KPNA3: variants seen among roughly 807,000 people sequenced by gnomAD.
KPNA3 encodes karyopherin subunit alpha 3.
A neutral mutation model predicts 73.8 loss-of-function variants in KPNA3; 13 were observed. The ratio of observed to expected loss-of-function variants is 0.18; its 90% CI spans 0.11 to 0.28. KPNA3 has a LOEUF of 0.28. Ranked by LOEUF, KPNA3 falls within the 10% of genes least tolerant of loss-of-function variation. The probability of loss-of-function intolerance (pLI) is 1.00; values close to 1 mark genes in which losing one functional copy is unlikely to be tolerated. For synonymous variants in KPNA3, 186 were observed against 206.9 expected (o/e 0.90, Z 0.87); for missense variants, 360 against 618.1 (o/e 0.58, Z 4.43).
At chr13:49,709,508 C>A in intron 12 of KPNA3, 64 bp downstream of exon 12, 4 of 1,340,370 alleles carry the variant, frequency 3.0e-6, no homozygotes, top group South Asian at 3.0e-5. Context: ...GCAATAGAAA[C>A]AAGGAGACAG....
At chr13:49,713,684 A>G (rs1037047905) in intron 10 of KPNA3, among the ~76,000 whole-genome samples, 2 of 149,964 alleles carry the variant, frequency 1.3e-5, no homozygotes, top group Admixed American at 1.3e-4. Context: ...CAAAACAGAA[A>G]AACCCAACAA....
intron 2 of KPNA3, among the ~76,000 whole-genome samples, chr13:49,737,561 CTGTGTGTGTGTGTGTGTG>C (rs3990330): frequency 0.29 from 41,324 of 142,952 alleles, 6,548 homozygotes; most frequent in Non-Finnish European, 0.36. Flanking sequence ...GTGTGTGTGT[CTGTGTGTGTGTGTGTGTG>C]TGTGTGTGTG....
chr13:49,707,618 G>A (rs760403572), intron 12 of KPNA3, among the ~76,000 whole-genome samples: 30 of 151,656 alleles, frequency 2.0e-4, no homozygotes, highest in Non-Finnish European at 3.8e-4. Context: ...TACATCACAG[G>A]CCGGAACCTT....
At position 49,700,834 on chromosome 13, in the gene KPNA3, C is replaced by G. The variant is rs1246825175; in HGVS notation, c.*966G>C. On this transcript the variant is annotated 3_prime_UTR_variant, in exon 17 of 17. Coordinates refer to ENST00000261667, the MANE Select transcript of KPNA3 (RefSeq NM_002267.4). ...CAAATTAAAACAAAGAATATTAACT[C>G]CTGAAAGCTGAAAGCAAGATTTTTT... 1.3e-5 allele frequency: 2 copies of G among 152,410 alleles called. No individual in the cohort carries two copies. Among genetic ancestry groups the G allele is most frequent in the Non-Finnish European group, 2.9e-5 (2 of 68,020 alleles). 9.4% of individuals were successfully genotyped at this position (152,410 alleles called of 1,614,324 possible). A position where few individuals can be genotyped will look rare whatever the true frequency, so the allele number is the denominator to read the frequency against.
intron 1 of KPNA3, among the ~76,000 whole-genome samples, chr13:49,777,870 CAAA>C (rs1285042659): frequency 6.6e-6 from 1 of 151,932 alleles, no homozygotes; most frequent in Non-Finnish European, 1.5e-5. Flanking sequence ...ACCTTTATTC[CAAA>C]AAGTCTACTC....
At chr13:49,703,525 CTT>C (rs536645830) in intron 15 of KPNA3, among the ~76,000 whole-genome samples, 131 of 152,234 alleles carry the variant, frequency 8.6e-4, no homozygotes, top group Middle Eastern at 6.8e-3. Flanking sequence ...GTATCTTTCT[CTT>C]TGTTTTCCAA....
At chr13:49,763,991 C>T (rs1594455972) in intron 1 of KPNA3, among the ~76,000 whole-genome samples, 1 of 148,442 alleles carries the variant, frequency 6.7e-6, no homozygotes, top group South Asian at 2.1e-4. Flanking sequence ...CGCCTGAGCC[C>T]AAGAGGTTGA....
At chr13:49,707,247 T>G (rs1954216273) in intron 12 of KPNA3, among the ~76,000 whole-genome samples, 1 of 152,220 alleles carries the variant, frequency 6.6e-6, no homozygotes, top group Admixed American at 6.5e-5. Context: ...TAAACACGTC[T>G]GTGAGCTGTT....
In KPNA3 at chr13:49,735,087, T is replaced by C. The variant is rs1954509892; in HGVS notation, c.115-2041A>G. 2.0e-5 allele frequency among the ~76,000 whole-genome samples: 3 copies of C among 152,132 alleles called. 1 individual carries two copies. The highest frequency in any genetic ancestry group is 4.1e-4 in the South Asian group (2 of 4,828). ...CATTTAAATTGAAAACATCCTAACA[T>C]AGACCAAAATATCTATGGCACAAGA... is the stretch of plus-strand genomic sequence containing the variant. On this transcript the variant is annotated intron_variant, in intron 2 of 16. Coordinates refer to ENST00000261667, the MANE Select transcript of KPNA3 (RefSeq NM_002267.4).
In KPNA3 at chr13:49,710,879, A is replaced by G. The variant is rs372531728; in HGVS notation, c.903+12T>C. ...AACTGTATACAAATAAGAAAAATTT[A>G]AAAATACTTACTTGAACTTTGACTT... On this transcript the variant is annotated intron_variant, in intron 11 of 16. Coordinates refer to ENST00000261667, the MANE Select transcript of KPNA3 (RefSeq NM_002267.4). The G allele has an allele frequency of 1.9e-6, 3 of 1,608,068 alleles. No individual in the cohort carries two copies. Among genetic ancestry groups the G allele is most frequent in the Non-Finnish European group, 1.7e-6 (2 of 1,178,042 alleles).
chr13:49,702,439 C>T lies in KPNA3; in HGVS notation c.1414G>A (p.Asp472Asn), dbSNP rs1594425920. ...IEVLQQHENE[D>N]IYKLAFEIID... ...ATTTCAAATGCTAATTTATATATGT[C>T]TTCATTTTCATGTTGCTGTAAAACT... Residue 472 changes from aspartate (D) to asparagine (N), a missense_variant, in exon 16 of 17, where the codon GAC becomes AAC. Asp to Asn is a conservative substitution (Grantham distance 23). Transcript: ENST00000261667. The T allele has an allele frequency of 6.4e-7, 1 of 1,557,284 alleles. No homozygotes were observed. The highest frequency in any genetic ancestry group is 8.8e-7 in the Non-Finnish European group (1 of 1,135,324).
chr13:49,749,323 A>G (rs936507623), intron 1 of KPNA3, among the ~76,000 whole-genome samples: 2 of 152,232 alleles, frequency 1.3e-5, no homozygotes, highest in South Asian at 2.1e-4. Flanking sequence ...ATCTCAATTT[A>G]TAGACACTGG....
intron 10 of KPNA3, among the ~76,000 whole-genome samples, chr13:49,713,223 A>C (rs936572127): frequency 5.3e-5 from 8 of 152,136 alleles, no homozygotes; most frequent in Admixed American, 4.6e-4. Context: ...CCCACAATTT[A>C]TCATGAAAAT....
At chr13:49,754,034 C>A (rs1356856591) in intron 1 of KPNA3, among the ~76,000 whole-genome samples, 1 of 152,156 alleles carries the variant, frequency 6.6e-6, no homozygotes, top group East Asian at 1.9e-4. Flanking sequence ...CAGTGGCTCT[C>A]GCCTGTAATC....
At chr13:49,764,303 AC>A (rs1258774463) in intron 1 of KPNA3, among the ~76,000 whole-genome samples, 1 of 152,138 alleles carries the variant, frequency 6.6e-6, no homozygotes, top group Non-Finnish European at 1.5e-5. Context: ...TAAGTGTGCA[AC>A]AGAAAAAATA....
chr13:49,775,355 G>A (rs1954889609), intron 1 of KPNA3, among the ~76,000 whole-genome samples: 1 of 151,654 alleles, frequency 6.6e-6, no homozygotes, highest in Admixed American at 6.6e-5. Flanking sequence ...TGAGATAAAA[G>A]GACAAGGCTA....
intron 2 of KPNA3, among the ~76,000 whole-genome samples, chr13:49,742,047 C>T (rs1009782212): frequency 6.6e-6 from 1 of 152,088 alleles, no homozygotes; most frequent in African/African-American, 2.4e-5. Context: ...GCATTTTAAT[C>T]TATTTTGAGT....
chr13:49,792,567 T>C lies in KPNA3; in HGVS notation c.-61A>G, dbSNP rs1955045748. On this transcript the variant is annotated 5_prime_UTR_variant, in exon 1 of 17. Transcript: ENST00000261667. Reference sequence around the variant, plus strand: ...GCTGCGGCGGCGGCGGCGGCGAATCTTGGAGCGGGAGGGGGAGGAGGGGGA... The same window carrying C: ...GCTGCGGCGGCGGCGGCGGCGAATCCTGGAGCGGGAGGGGGAGGAGGGGGA... 3.4e-6 allele frequency: 2 copies of C among 591,864 alleles called. No homozygotes were observed. The highest frequency in any genetic ancestry group is 5.2e-6 in the Non-Finnish European group (2 of 386,356). The allele number at this position is 591,864 out of a possible 1,614,324, so 36.7% of individuals were successfully genotyped here.
rs377544239 is a variant in KPNA3, at chr13:49,792,544, TGCGGCGGCG to T, written c.-47_-39del. On this transcript the variant is annotated 5_prime_UTR_variant, in exon 1 of 17. Transcript: ENST00000261667. ...CTCCGGCGGCGGCTACTCCTGCGGC[TGCGGCGGCG>T]GCGGCGGCGAATCTTGGAGCGGGAG... The T allele has an allele frequency of 4.1e-5, 53 of 1,288,960 alleles. No homozygotes were observed. Among genetic ancestry groups the T allele is most frequent in the South Asian group, 2.8e-4 (22 of 79,582 alleles). 79.8% of individuals were successfully genotyped at this position (1,288,960 alleles called of 1,614,324 possible).
Sources: gnomAD v4.1 joint callset for allele counts (sites outside exome capture counted in the v4.1 genomes callset) on GRCh38, gnomAD v4.1.1 for gene constraint, MANE v1.5 for transcripts, NCBI Gene and HGNC (gene_info 2026-07-23, HGNC 2026-07-21) for gene names.